SIGLEC8: variants seen among roughly 807,000 people sequenced by gnomAD.
SIGLEC8 encodes the protein sialic acid binding Ig like lectin 8, also known as sialic acid-binding Ig-like lectin 8.
A neutral mutation model predicts 42.1 loss-of-function variants in SIGLEC8; 32 were observed. The observed-to-expected ratio is 0.76, with a 90% CI of 0.57 to 1.02. The LOEUF is 1.02. SIGLEC8 is among the 50% of genes least tolerant of loss of function. The probability of loss-of-function intolerance (pLI) is 0.00; values close to 1 mark genes in which losing one functional copy is unlikely to be tolerated. For synonymous variants in SIGLEC8, 262 were observed against 260.3 expected (o/e 1.01, Z -0.06); for missense variants, 611 against 610.2 (o/e 1.00, Z -0.01).
At chr19:51,457,326 C>T (rs1001891238) in intron 2 of SIGLEC8, 95 bp from the exon 3 acceptor site, 22 of 1,494,252 alleles carry the variant, frequency 1.5e-5, no homozygotes, top group East Asian at 1.1e-4. Flanking sequence ...AAAATGGAGT[C>T]GGCATTCTCC....
In SIGLEC8 at chr19:51,455,541, G is replaced by A. The variant is rs1345001732; in HGVS notation, c.928C>T (p.Pro310Ser). Residue 310 changes from proline to serine, a missense_variant, in exon 4 of 7, where the codon CCT (proline) becomes TCT (serine). By Grantham distance (74) the Pro-to-Ser change is moderately conservative. Transcript: ENST00000321424. The part of the protein sequence containing the change: ...LTLCPSRSSN[P>S]GLLELPRVHV... ...ACTCGAGGCAGCTCCAGCAGCCCAGGGTTTGAGGACCGTGAGGGGCACAGG... is the reference window on the plus strand; with the variant it reads ...ACTCGAGGCAGCTCCAGCAGCCCAGAGTTTGAGGACCGTGAGGGGCACAGG... 6.2e-7 allele frequency: 1 copy of A among 1,613,984 alleles called. No homozygotes were observed. Among genetic ancestry groups the A allele is most frequent in the East Asian group, 2.2e-5 (1 of 44,890 alleles).
intron 6 of SIGLEC8, among the ~76,000 whole-genome samples, 199 bp from the exon 7 acceptor site, chr19:51,452,832 G>A (rs930530585): frequency 3.9e-5 from 6 of 152,070 alleles, no homozygotes; most frequent in South Asian, 2.1e-4. Flanking sequence ...TTAACTTCCC[G>A]CAACAACTCC....
In SIGLEC8 at chr19:51,452,232, T is replaced by C. The variant is rs1055441946; in HGVS notation, c.*147A>G. The stretch of plus-strand genomic sequence containing the variant: ...CTCAGAGAGGTCGAGAGGAGAATGG[T>C]GGGTAGTAGAAGCTAGAGGCAGGGA... On this transcript the variant is annotated 3_prime_UTR_variant, in exon 7 of 7. Transcript: ENST00000321424. 8.8e-5 allele frequency: 50 copies of C among 569,640 alleles called. No homozygotes were observed. Among genetic ancestry groups the C allele is most frequent in the Non-Finnish European group, 1.4e-4 (46 of 325,848 alleles). The allele number at this position is 569,640 out of a possible 1,614,324, so 35.3% of individuals were successfully genotyped here. A position where few individuals can be genotyped will look rare whatever the true frequency, so the allele number is the denominator to read the frequency against.
chr19:51,457,854 C>G, intron 1 of SIGLEC8, 80 bp downstream of exon 1: 1 of 1,557,062 alleles, frequency 6.4e-7, no homozygotes, highest in Non-Finnish European at 8.8e-7. Flanking sequence ...ATCCCAACCC[C>G]CTCCCAGGCC....
rs571726624 is a variant in SIGLEC8, at chr19:51,457,590, T to C, written c.604A>G (p.Thr202Ala). 1 of 1,613,400 alleles carries C rather than the reference T, an allele frequency of 6.2e-7. No individual in the cohort carries two copies. The highest frequency in any genetic ancestry group is 1.7e-5 in the Admixed American group (1 of 59,940). The change falls in exon 2 of 7, where the codon ACT becomes GCT. Residue 202 changes from threonine (T) to alanine (A), a missense_variant. By Grantham distance (58) the Thr-to-Ala change is moderately conservative (BLOSUM62 0). Transcript: ENST00000321424. ...IGASVSSPGP[T>A]TARSSVLTLT... ...GTGAGCACTGAGGAGCGGGCAGTAG[T>C]GGGGCCCGGGGAGGACACGGAGGCC...
At position 51,457,624 on chromosome 19, in the gene SIGLEC8, G is replaced by A. The variant is rs751205151; in HGVS notation, c.570C>T (p.Ser190=). The change falls in exon 2 of 7, where the codon TCC becomes TCT. Residue 190 remains serine (S), a synonymous_variant. Coordinates refer to ENST00000321424, the MANE Select transcript of SIGLEC8 (RefSeq NM_014442.3). ...ACKQGTPPMI[S]WIGASVSSPG... is the part of the protein sequence containing the mutation. ...GGGAGGACACGGAGGCCCCAATCCA[G>A]GAGATCATGGGGGGTGTCCCCTGCT... 2 of 1,612,442 alleles carry A rather than the reference G, an allele frequency of 1.2e-6. No individual in the cohort carries two copies. The highest frequency in any genetic ancestry group is 1.3e-5 in the African/African-American group (1 of 75,028).
At chr19:51,457,827 G>A in intron 1 of SIGLEC8, 88 bp from the exon 2 acceptor site, 2 of 1,548,440 alleles carry the variant, frequency 1.3e-6, no homozygotes, top group Non-Finnish European at 8.8e-7. Context: ...CTCCTCCCCG[G>A]AGACCGACTT....
chr19:51,452,089 C>T lies in SIGLEC8; in HGVS notation c.*290G>A, dbSNP rs1989375278. 3.7e-6 allele frequency: 1 copy of T among 273,870 alleles called. No homozygotes were observed. Among genetic ancestry groups the T allele is most frequent in the Admixed American group, 5.2e-5 (1 of 19,116 alleles). The allele number at this position is 273,870 out of a possible 1,614,324, so 17.0% of individuals were successfully genotyped here. A position where few individuals can be genotyped will look rare whatever the true frequency, so the allele number is the denominator to read the frequency against. ...AAAAAAAAATATTCAGTGCTTGATT[C>T]TGTCATTTGAGAGAACATGGATGAA... is the stretch of plus-strand genomic sequence containing the variant. On this transcript the variant is annotated 3_prime_UTR_variant, in exon 7 of 7. Coordinates refer to ENST00000321424, the MANE Select transcript of SIGLEC8 (RefSeq NM_014442.3).
Position 51,452,455 on chromosome 19 carries a change from A to ATC in SIGLEC8, c.1422_1423dup (p.Ile475ArgfsTer14). ...AGTCTCTGCAGTTTCTCGCTTGTGG[A>ATC]TCTTGATCTCCGAGTATTCACTGTC... On this transcript the variant is annotated frameshift_variant, in exon 7 of 7. Coordinates refer to ENST00000321424, the MANE Select transcript of SIGLEC8 (RefSeq NM_014442.3). LOFTEE classifies it low-confidence loss of function (END_TRUNC). 1 of 1,612,646 alleles carries ATC rather than the reference A, an allele frequency of 6.2e-7. No individual in the cohort carries two copies. Among genetic ancestry groups the ATC allele is most frequent in the East Asian group, 2.2e-5 (1 of 44,824 alleles).
At position 51,451,225 on chromosome 19, in the gene SIGLEC8, C is replaced by G. The variant is rs1989358299; in HGVS notation, c.*1154G>C. 1 of 152,154 alleles carries G rather than the reference C, an allele frequency of 6.6e-6. No individual in the cohort carries two copies. Among genetic ancestry groups the G allele is most frequent in the African/African-American group, 2.4e-5 (1 of 41,422 alleles). The allele number at this position is 152,154 out of a possible 1,614,324, so 9.4% of individuals were successfully genotyped here. ...ACCCCCATGATCCTATCACCTCCCA[C>G]CAGGTCCCTCCCCCAACACATGGGG... On this transcript the variant is annotated 3_prime_UTR_variant, in exon 7 of 7. Transcript: ENST00000321424.
Position 51,457,739 on chromosome 19 carries a change from G to T in SIGLEC8, c.455C>A (p.Ala152Asp), listed in dbSNP as rs1350948068. 1.9e-6 allele frequency: 3 copies of T among 1,569,962 alleles called. No individual in the cohort carries two copies. The African/African-American group carries it at 4.1e-5, about 21-fold the overall frequency. The change falls in exon 2 of 7, where the codon GCC becomes GAC. Residue 152 changes from alanine (A) to aspartate (D), a missense_variant and splice_region_variant. Ala to Asp is a moderately radical substitution (Grantham distance 126). Coordinates refer to ENST00000321424, the MANE Select transcript of SIGLEC8 (RefSeq NM_014442.3). ...KTKQLSVFVT[A>D]LTHRPDILIL... is the part of the protein sequence containing the mutation. The stretch of plus-strand genomic sequence containing the variant: ...GAGGATGTCAGGCCTATGGGTCAGG[G>T]CTGGTGAAGATGGGGACACAGGATC...
rs777564185 is a variant in SIGLEC8 at position 51,457,168 on chromosome 19, G to A, written c.781+16C>T. On this transcript the variant is annotated intron_variant, in intron 3 of 6. Coordinates refer to ENST00000321424, the MANE Select transcript of SIGLEC8 (RefSeq NM_014442.3). Reference sequence around the variant, plus strand: ...GGCCCTGCTCCCCCAACCCCAGGGAGGGGGCTCTGTCCTACCTGTGGCATC... The same window carrying A: ...GGCCCTGCTCCCCCAACCCCAGGGAAGGGGCTCTGTCCTACCTGTGGCATC... 2 of 1,612,376 alleles carry A rather than the reference G, an allele frequency of 1.2e-6. No individual in the cohort carries two copies. Among genetic ancestry groups the A allele is most frequent in the Non-Finnish European group, 1.7e-6 (2 of 1,178,654 alleles).
Position 51,454,925 on chromosome 19 carries a change from C to G in SIGLEC8, c.1052-145G>C. The G allele has an allele frequency of 1.6e-6, 1 of 634,160 alleles. No individual in the cohort carries two copies. Among genetic ancestry groups the G allele is most frequent in the South Asian group, 1.9e-5 (1 of 52,642 alleles). 39.3% of individuals were successfully genotyped at this position (634,160 alleles called of 1,614,324 possible). On this transcript the variant is annotated intron_variant, in intron 4 of 6. Coordinates refer to ENST00000321424, the MANE Select transcript of SIGLEC8 (RefSeq NM_014442.3). The surrounding 1 kb of genome is among the most constrained non-coding windows in gnomAD (Gnocchi z 4.7). The stretch of plus-strand genomic sequence containing the variant: ...TACGAATGGGAGGGAGGAAAGGAGA[C>G]TACTTCTGAGGCCAGTGAGGCATGA...
rs1989446440 is a variant in SIGLEC8, at chr19:51,454,596, C to T, written c.1148+88G>A. ...TCTTGCCCCAAGCCCTGGACCCATC[C>T]AGGTCCTTCCAGCTCTGGCTTCAGG... is the stretch of plus-strand genomic sequence containing the variant. On this transcript the variant is annotated intron_variant, in intron 5 of 6. Transcript: ENST00000321424. This position sits in a 1 kb window ranked among gnomAD's most constrained non-coding sequence, Gnocchi z 4.7. 2 of 1,223,014 alleles carry T rather than the reference C, an allele frequency of 1.6e-6. No homozygotes were observed. The highest frequency in any genetic ancestry group is 1.7e-5 in the Admixed American group (1 of 58,228). The allele number at this position is 1,223,014 out of a possible 1,614,324, so 75.8% of individuals were successfully genotyped here. A position where few individuals can be genotyped will look rare whatever the true frequency, so the allele number is the denominator to read the frequency against.
At chr19:51,453,991 G>T in intron 6 of SIGLEC8, 1 of 985,344 alleles carries the variant, frequency 1.0e-6, no homozygotes, top group Non-Finnish European at 1.2e-6. Context: ...AGAAGAAAAG[G>T]AGGACAGAGA....
Position 51,452,507 on chromosome 19 carries a change from G to C in SIGLEC8, c.1372C>G (p.Gln458Glu), listed in dbSNP as rs1989388731. ...GTGGCCTCCTGTCCCTGCGGGTCCT[G>C]AGGCTTCACTTTATGGAAGCTGAGG... Reference protein sequence around the residue: ...ATLSFHKVKPQDPQGQEATDS... With the variant: ...ATLSFHKVKPEDPQGQEATDS... Residue 458 changes from glutamine to glutamate, a missense_variant, in exon 7 of 7, where the codon CAG (glutamine) becomes GAG (glutamate). By Grantham distance (29) the Gln-to-Glu change is conservative (BLOSUM62 2). Coordinates refer to ENST00000321424, the MANE Select transcript of SIGLEC8 (RefSeq NM_014442.3). 6.2e-7 allele frequency: 1 copy of C among 1,608,510 alleles called. No homozygotes were observed. Among genetic ancestry groups the C allele is most frequent in the Admixed American group, 1.7e-5 (1 of 59,880 alleles).
intron 3 of SIGLEC8, 146 bp downstream of exon 3, chr19:51,457,038 G>C: frequency 1.3e-6 from 1 of 764,968 alleles, no homozygotes; most frequent in Non-Finnish European, 2.3e-6. Flanking sequence ...TGGTCACGCG[G>C]GCTGGAGATG....
At chr19:51,453,521 C>A (rs1024002843) in intron 6 of SIGLEC8, 2 of 454,264 alleles carry the variant, frequency 4.4e-6, no homozygotes, top group Non-Finnish European at 5.8e-6. Context: ...ATGGTGAAAC[C>A]CCGTCTCTAC....
rs748902666 is a variant in SIGLEC8, at chr19:51,455,699, G to A, written c.782-12C>T. 2.5e-6 allele frequency: 4 copies of A among 1,609,122 alleles called. No individual in the cohort carries two copies. Among genetic ancestry groups the A allele is most frequent in the Non-Finnish European group, 3.4e-6 (4 of 1,178,074 alleles). On this transcript the variant is annotated splice_polypyrimidine_tract_variant and intron_variant, in intron 3 of 6. Transcript: ENST00000321424. ...CAGGGCTGTGGATGCTGCAGAGAAA[G>A]AGACAGAGGGTCATCCCATTACTGG...
Sources: gnomAD v4.1 joint callset for allele counts (sites outside exome capture counted in the v4.1 genomes callset) on GRCh38, gnomAD v4.1.1 for gene constraint, Gnocchi (gnomAD v3.1) non-coding constraint, MANE v1.5 for transcripts, NCBI Gene and HGNC (gene_info 2026-07-23, HGNC 2026-07-21) for gene names.